The following DAB1 variants were observed in gnomAD, a reference collection of about 807,000 sequenced individuals.
DAB1 encodes disabled homolog 1.
DAB1 carries 15 observed loss-of-function variants against 64.6 expected under a neutral mutation model. That is an observed-to-expected ratio of 0.23 (90% CI 0.16 to 0.36). The LOEUF (loss-of-function observed/expected upper bound fraction) is 0.36, where lower values mean the gene tolerates loss of function less well. Ranked by LOEUF, DAB1 falls within the 10% of genes least tolerant of loss-of-function variation. The pLI is 1.00. For missense variants in DAB1, 596 were observed against 706.7 expected, an observed-to-expected ratio of 0.84 and a Z score of 1.78; for synonymous variants, 235 against 251.9, an observed-to-expected ratio of 0.93 and a Z score of 0.64.
chr1:57,505,120 A>G (rs1000534110), intron 7 of DAB1, among the ~76,000 whole-genome samples: 1 of 152,236 alleles, frequency 6.6e-6, no homozygotes, highest in Non-Finnish European at 1.5e-5. Flanking sequence ...GTTGTAAAAA[A>G]AAAAGTACCT....
At chr1:57,961,629 C>CT (rs1168783471) in intron 5 of DAB1, among the ~76,000 whole-genome samples, 1 of 152,170 alleles carries the variant, frequency 6.6e-6, no homozygotes. Context: ...GACCCAAATT[C>CT]TTTTTTCTAA....
At chr1:57,867,841 C>T (rs1654373898) in intron 1 of DAB1, among the ~76,000 whole-genome samples, 1 of 152,134 alleles carries the variant, frequency 6.6e-6, no homozygotes, top group African/African-American at 2.4e-5. Context: ...TCTTTTCTTT[C>T]TTGGACTGGT....
At chr1:58,341,759 G>T (rs1643937824) in intron 4 of DAB1, among the ~76,000 whole-genome samples, 1 of 152,150 alleles carries the variant, frequency 6.6e-6, no homozygotes, top group Non-Finnish European at 1.5e-5. Context: ...AGAGTTAGAT[G>T]ACCCTTACTT....
intron 3 of DAB1, among the ~76,000 whole-genome samples, chr1:58,406,720 CA>C (rs58462659): frequency 0.033 from 755 of 23,200 alleles, 8 homozygotes; most frequent in African/African-American, 0.18. Flanking sequence ...CCCCCCCCCC[CA>C]ACTGCCACCA....
intron 2 of DAB1, among the ~76,000 whole-genome samples, chr1:57,233,427 T>C (rs1194450957): frequency 6.6e-6 from 1 of 151,060 alleles, no homozygotes; most frequent in African/African-American, 2.4e-5. Context: ...TACGCCTGGC[T>C]AATTTTTTGC....
Position 57,351,589 on chromosome 1 carries a change from T to C in DAB1, c.-136-60423A>G, listed in dbSNP as rs148214513. On this transcript the variant is annotated intron_variant, in intron 1 of 14. Transcript: ENST00000371236. ...ATTAAGGATAGGGATAACAAGTTGG[T>C]TGCAGATGTAGGCAGGGAAGGGACT... Among the ~76,000 whole-genome samples the C allele has an allele frequency of 3.3e-5, 5 of 152,242 alleles. No individual in the cohort carries two copies. The East Asian group carries it at 9.6e-4, about 29-fold the overall frequency.
chr1:57,869,554 G>A (rs1654447442), intron 1 of DAB1, among the ~76,000 whole-genome samples: 1 of 152,096 alleles, frequency 6.6e-6, no homozygotes, highest in Non-Finnish European at 1.5e-5. Flanking sequence ...ATGAAGGCCA[G>A]AGGATAAAAA....
downstream of DAB1, among the ~76,000 whole-genome samples, chr1:57,821,423 G>C (rs1652115727): frequency 6.6e-6 from 1 of 151,628 alleles, no homozygotes; most frequent in Non-Finnish European, 1.5e-5. Flanking sequence ...TAATTGGCAG[G>C]ATCTACACTG....
intron 5 of DAB1, among the ~76,000 whole-genome samples, chr1:58,026,668 T>C (rs987643097): frequency 1.2e-4 from 18 of 152,208 alleles, no homozygotes. Flanking sequence ...GCCATTTCCA[T>C]TTCTGAAGGG....
At chr1:57,625,640 G>T (rs955165025) in intron 7 of DAB1, among the ~76,000 whole-genome samples, 3 of 152,164 alleles carry the variant, frequency 2.0e-5, no homozygotes, top group African/African-American at 7.2e-5. Context: ...CCAGGCAAAG[G>T]GATGGGCAGG....
chr1:58,137,612 C>T lies in DAB1; in HGVS notation n.387+12899G>A, dbSNP rs186239625. 2.9e-3 allele frequency among the ~76,000 whole-genome samples: 447 copies of T among 152,276 alleles called. 3 individuals carry two copies. Among genetic ancestry groups the T allele is most frequent in the Non-Finnish European group, 2.8e-3 (191 of 68,024 alleles). ...ATCCATCCAATCATCCATCCATCCC[C>T]CATTTATTCAACCATTGATTCATCC... On this transcript the variant is annotated intron_variant and non_coding_transcript_variant, in intron 5 of 20. Transcript: ENST00000485760.
At chr1:58,299,835 C>T (rs1440323978) in intron 4 of DAB1, among the ~76,000 whole-genome samples, 1 of 152,128 alleles carries the variant, frequency 6.6e-6, no homozygotes, top group Admixed American at 6.6e-5. Context: ...TTGTGATGTA[C>T]TGGGCTTGCT....
chr1:57,583,868 C>T (rs1645345923), intron 7 of DAB1, among the ~76,000 whole-genome samples: 1 of 152,162 alleles, frequency 6.6e-6, no homozygotes, highest in Non-Finnish European at 1.5e-5. Flanking sequence ...GGAAATGCTC[C>T]TGGTTAGGGG....
intron 1 of DAB1, among the ~76,000 whole-genome samples, chr1:57,402,664 C>T (rs1683340714): frequency 6.6e-6 from 1 of 152,140 alleles, no homozygotes; most frequent in South Asian, 2.1e-4. Context: ...GAAAAATAAT[C>T]ACAATAGATG....
intron 7 of DAB1, among the ~76,000 whole-genome samples, chr1:57,608,400 G>T (rs181071918): frequency 2.6e-5 from 4 of 152,078 alleles, no homozygotes; most frequent in African/African-American, 7.2e-5. Flanking sequence ...AAAAAAGAGA[G>T]AGAGAGAGAG....
intron 5 of DAB1, among the ~76,000 whole-genome samples, chr1:58,064,399 ACTGAAATTCAGTTCAAACCAG>A (rs1648705831): frequency 6.6e-6 from 1 of 152,144 alleles, no homozygotes; most frequent in African/African-American, 2.4e-5. Flanking sequence ...TCCTAATGAC[ACTGAAATTCAGTTCAAACCAG>A]CTCTTCGAAG....
At chr1:58,029,669 T>C (rs536585697) in intron 5 of DAB1, among the ~76,000 whole-genome samples, 1 of 152,152 alleles carries the variant, frequency 6.6e-6, no homozygotes, top group Admixed American at 6.6e-5. Context: ...TAATGACACT[T>C]CAAGAATGCT....
intron 7 of DAB1, among the ~76,000 whole-genome samples, chr1:57,515,525 T>C (rs1443386678): frequency 6.6e-6 from 1 of 152,218 alleles, no homozygotes; most frequent in Non-Finnish European, 1.5e-5. Flanking sequence ...GCAACAAATA[T>C]TTGAAGCAAG....
At chr1:57,201,428 C>G (rs1011420749) in intron 2 of DAB1, among the ~76,000 whole-genome samples, 1 of 152,042 alleles carries the variant, frequency 6.6e-6, no homozygotes, top group Admixed American at 6.6e-5. Flanking sequence ...TCTGAGGGCA[C>G]AGTTTCTTTA....
Sources: gnomAD v4.1 joint callset for allele counts (sites outside exome capture counted in the v4.1 genomes callset) on GRCh38, gnomAD v4.1.1 for gene constraint, MANE v1.5 for transcripts, NCBI Gene and HGNC (gene_info 2026-07-23, HGNC 2026-07-21) for gene names.